Variants in SCRG1 observed in about 807,000 individuals in gnomAD.
SCRG1 encodes stimulator of chondrogenesis 1, also known as scrapie-responsive protein 1.
SCRG1 carries 3 observed loss-of-function variants against 7.7 expected under a neutral mutation model. That is an observed-to-expected ratio of 0.39 (90% CI 0.18 to 1.01). SCRG1 has a LOEUF of 1.01. Among genes scored for constraint, SCRG1 ranks in the 50% least tolerant of loss-of-function variants. The pLI is 0.36. For synonymous variants in SCRG1, 46 were observed against 41.2 expected (o/e 1.12, Z -0.44); for missense variants, 110 against 117.2 (o/e 0.94, Z 0.28).
At chr4:173,478,402 C>A in the SCRG1 span, among the ~76,000 whole-genome samples, 2 of 152,074 alleles carry the variant, frequency 1.3e-5, no homozygotes, top group African/African-American at 4.8e-5. Flanking sequence ...ACAAAAAAAA[C>A]CAGTCCTGGT....
the SCRG1 span, chr4:173,419,727 G>C: frequency 9.3e-7 from 1 of 1,074,280 alleles, no homozygotes; most frequent in Non-Finnish European, 1.4e-6. Context: ...GTTCTGGCAA[G>C]GTCTGCGACC....
chr4:173,510,442 ATAT>A, the SCRG1 span, among the ~76,000 whole-genome samples: 1 of 107,666 alleles, frequency 9.3e-6, no homozygotes, highest in African/African-American at 2.9e-5. The surrounding 1 kb of genome is among the most constrained non-coding windows in gnomAD (Gnocchi z 5.7). Flanking sequence ...ATATATATAT[ATAT>A]AAATTAACGC....
chr4:173,500,478 G>GTA, the SCRG1 span, among the ~76,000 whole-genome samples: 1 of 131,318 alleles, frequency 7.6e-6, no homozygotes, highest in Admixed American at 8.2e-5. Context: ...AATTTTGTGT[G>GTA]TGTGTGTGTG....
chr4:173,447,147 C>T, the SCRG1 span, among the ~76,000 whole-genome samples: 18 of 152,194 alleles, frequency 1.2e-4, no homozygotes, highest in African/African-American at 4.1e-4. Context: ...TGGAAGTCCA[C>T]GATCAGGGTG....
chr4:173,447,870 C>A, the SCRG1 span, among the ~76,000 whole-genome samples: 25 of 152,044 alleles, frequency 1.6e-4, no homozygotes, highest in Non-Finnish European at 1.5e-5. Flanking sequence ...TTTGGGAGGC[C>A]GAGGCAGGCG....
chr4:173,490,339 C>A, the SCRG1 span, among the ~76,000 whole-genome samples: 56 of 152,254 alleles, frequency 3.7e-4, no homozygotes, highest in African/African-American at 1.3e-3. Flanking sequence ...AGACCAGTTT[C>A]TTTTTCACTT....
chr4:173,501,333 C>T, the SCRG1 span, among the ~76,000 whole-genome samples: 1 of 152,152 alleles, frequency 6.6e-6, no homozygotes, highest in South Asian at 2.1e-4. This position sits in a 1 kb window ranked among gnomAD's most constrained non-coding sequence, Gnocchi z 5.1. Flanking sequence ...ACGGTCAAGC[C>T]CTAGTTTTCA....
the SCRG1 span, among the ~76,000 whole-genome samples, chr4:173,516,609 C>G: frequency 4.6e-5 from 7 of 152,196 alleles, no homozygotes; most frequent in Non-Finnish European, 8.8e-5. Context: ...CTGGCAGGGA[C>G]GCCCCAAGAG....
At chr4:173,504,535 C>G in the SCRG1 span, among the ~76,000 whole-genome samples, 5 of 152,218 alleles carry the variant, frequency 3.3e-5, no homozygotes, top group Admixed American at 6.5e-5. The surrounding 1 kb of genome is among the most constrained non-coding windows in gnomAD (Gnocchi z 4.7). Context: ...CTAGAAACCA[C>G]GTGGAGAAAT....
chr4:173,438,462 A>G, the SCRG1 span, among the ~76,000 whole-genome samples: 1 of 152,084 alleles, frequency 6.6e-6, no homozygotes, highest in African/African-American at 2.4e-5. Flanking sequence ...TTTCAACTAA[A>G]TCTCAATTAA....
the SCRG1 span, among the ~76,000 whole-genome samples, chr4:173,459,260 G>C: frequency 6.6e-6 from 1 of 152,140 alleles, no homozygotes; most frequent in Non-Finnish European, 1.5e-5. Context: ...ATTTCAAATG[G>C]ACCCAACAGG....
the SCRG1 span, among the ~76,000 whole-genome samples, chr4:173,418,372 A>G: frequency 6.6e-6 from 1 of 152,234 alleles, no homozygotes; most frequent in Non-Finnish European, 1.5e-5. Context: ...CTCTTCCTTC[A>G]GTCCTGGCTC....
the SCRG1 span, among the ~76,000 whole-genome samples, chr4:173,454,234 A>T: frequency 5.3e-5 from 8 of 152,144 alleles, no homozygotes; most frequent in African/African-American, 1.9e-4. Context: ...CCTACAAAAG[A>T]CAAGTTTGGT....
chr4:173,462,630 T>A, the SCRG1 span, among the ~76,000 whole-genome samples: 1 of 152,160 alleles, frequency 6.6e-6, no homozygotes, highest in Admixed American at 6.5e-5. Flanking sequence ...CAACACTGAC[T>A]GGTAATAGTA....
At chr4:173,500,472 T>TG in the SCRG1 span, among the ~76,000 whole-genome samples, 584 of 150,190 alleles carry the variant, frequency 3.9e-3, 1 homozygote, top group African/African-American at 8.8e-3. Context: ...TTAGTAAATT[T>TG]TGTGTGTGTG....
chr4:173,507,982 G>T, the SCRG1 span, among the ~76,000 whole-genome samples: 1 of 152,198 alleles, frequency 6.6e-6, no homozygotes. The surrounding 1 kb of genome is among the most constrained non-coding windows in gnomAD (Gnocchi z 4.4). Context: ...TACTGGCCGA[G>T]GACTGCAGAG....
the SCRG1 span, among the ~76,000 whole-genome samples, chr4:173,450,347 C>G: frequency 5.9e-5 from 9 of 152,158 alleles, no homozygotes; most frequent in African/African-American, 1.7e-4. Flanking sequence ...CAAATCATAT[C>G]AAGCCTGTAC....
the SCRG1 span, among the ~76,000 whole-genome samples, chr4:173,459,634 G>A: frequency 6.6e-6 from 1 of 152,132 alleles, no homozygotes; most frequent in African/African-American, 2.4e-5. Flanking sequence ...GAAGTTTATA[G>A]AAATAAACAC....
the SCRG1 span, chr4:173,419,494 ATCT>A: frequency 2.6e-6 from 2 of 778,842 alleles, no homozygotes; most frequent in African/African-American, 1.7e-5. Flanking sequence ...AAGCATTTTC[ATCT>A]TCTTCTATTA....
Sources: gnomAD v4.1 joint callset for allele counts (sites outside exome capture counted in the v4.1 genomes callset) on GRCh38, gnomAD v4.1.1 for gene constraint, Gnocchi (gnomAD v3.1) non-coding constraint, MANE v1.5 for transcripts, NCBI Gene and HGNC (gene_info 2026-07-23, HGNC 2026-07-21) for gene names.